The following ANK3 variants were observed in gnomAD, a reference collection of about 807,000 sequenced individuals.
ANK3 encodes the protein ankyrin 3.
A neutral mutation model predicts 370.9 loss-of-function variants in ANK3; 57 were observed. That is an observed-to-expected ratio of 0.15 (90% CI 0.12 to 0.19). ANK3 has a LOEUF of 0.19. ANK3 is among the 10% of genes least tolerant of loss of function. The probability of loss-of-function intolerance (pLI) is 1.00; values close to 1 mark genes in which losing one functional copy is unlikely to be tolerated. For missense variants in ANK3, 4,439 were observed against 5,302.1 expected (o/e 0.84, Z 5.06); for synonymous variants, 1,929 against 1,946.3 (o/e 0.99, Z 0.23).
intron 26 of ANK3, among the ~76,000 whole-genome samples, chr10:60,110,483 A>G (rs923050321): frequency 1.3e-5 from 2 of 152,176 alleles, no homozygotes; most frequent in African/African-American, 2.4e-5. Context: ...CACTACGATA[A>G]TCAAGGTAAA....
At chr10:60,722,704 C>T (rs1228762278) in intron 1 of ANK3, among the ~76,000 whole-genome samples, 1 of 152,070 alleles carries the variant, frequency 6.6e-6, no homozygotes, top group Admixed American at 6.5e-5. Context: ...GGGGGCAGAT[C>T]CCTCATGAAG....
chr10:60,551,321 A>G (rs2077083692), intron 2 of ANK3, among the ~76,000 whole-genome samples: 1 of 152,166 alleles, frequency 6.6e-6, no homozygotes, highest in African/African-American at 2.4e-5. Flanking sequence ...TATTGATGAA[A>G]CATTTACAGA....
rs1417090144 is a variant in ANK3, at chr10:60,340,397, G to A, written c.114+49028C>T. Among the ~76,000 whole-genome samples the A allele has an allele frequency of 2.0e-5, 3 of 152,064 alleles. No individual in the cohort carries two copies. In the East Asian group the frequency reaches 5.8e-4, roughly 30 times the overall value. On this transcript the variant is annotated intron_variant, in intron 1 of 43. Transcript: ENST00000280772. The stretch of plus-strand genomic sequence containing the variant: ...TACAAGTTGTATATATCCAGGGCCA[G>A]CTAATTTTTGTTTTTTTCTTTCTTT...
At chr10:60,503,312 A>G (rs2075853862) in intron 2 of ANK3, among the ~76,000 whole-genome samples, 1 of 152,230 alleles carries the variant, frequency 6.6e-6, no homozygotes, top group South Asian at 2.1e-4. Context: ...GGGAACAACC[A>G]TTAGTTACAA....
intron 2 of ANK3, among the ~76,000 whole-genome samples, chr10:60,600,204 ACTCATACAGTGT>A (rs2078041757): frequency 1.3e-5 from 2 of 152,312 alleles, no homozygotes; most frequent in African/African-American, 4.8e-5. Context: ...AGGATTCTGT[ACTCATACAGTGT>A]CTTGGACAAT....
chr10:60,234,890 T>C (rs1021438440), intron 7 of ANK3, 104 bp from the exon 8 acceptor site: 14 of 707,840 alleles, frequency 2.0e-5, no homozygotes, highest in Non-Finnish European at 3.5e-5. Context: ...TCTCCTTTTC[T>C]AAACATCCTT....
intron 23 of ANK3, among the ~76,000 whole-genome samples, chr10:60,161,172 G>A (rs2095490718): frequency 6.6e-6 from 1 of 152,036 alleles, no homozygotes; most frequent in Non-Finnish European, 1.5e-5. Context: ...TATCAGAACT[G>A]ATAAACAAAT....
At chr10:60,032,209 T>TTTTTTTTTTTG (rs2073810462) in intron 43 of ANK3, among the ~76,000 whole-genome samples, 1 of 128,970 alleles carries the variant, frequency 7.8e-6, no homozygotes, top group Non-Finnish European at 1.7e-5. Context: ...TTTTTTTTTT[T>TTTTTTTTTTTG]TTTTTTTTTT....
At chr10:60,314,269 G>A (rs1315737964) in intron 1 of ANK3, among the ~76,000 whole-genome samples, 1 of 152,112 alleles carries the variant, frequency 6.6e-6, no homozygotes, top group Non-Finnish European at 1.5e-5. Context: ...ATATATTCCA[G>A]GCACTGCACT....
intron 2 of ANK3, among the ~76,000 whole-genome samples, chr10:60,497,507 T>C (rs955992306): frequency 1.3e-5 from 2 of 152,170 alleles, no homozygotes; most frequent in African/African-American, 4.8e-5. Flanking sequence ...AGATAAGCCA[T>C]AAAAATGCAC....
chr10:60,355,187 AT>A (rs1185021722), intron 1 of ANK3, among the ~76,000 whole-genome samples: 2 of 152,180 alleles, frequency 1.3e-5, no homozygotes, highest in African/African-American at 4.8e-5. Context: ...TGTATTGCTA[AT>A]TTTTTCTTTC....
chr10:60,694,292 C>T (rs1049280847), intron 1 of ANK3, among the ~76,000 whole-genome samples: 14 of 152,196 alleles, frequency 9.2e-5, no homozygotes, highest in Middle Eastern at 3.4e-3. Context: ...CTGAAAGTGA[C>T]GGGGAGAATG....
rs746128899 is a variant in ANK3, at chr10:60,076,288, C to T, written c.4593G>A (p.Thr1531=). The T allele has an allele frequency of 3.8e-5, 62 of 1,613,844 alleles. No homozygotes were observed. Among genetic ancestry groups the T allele is most frequent in the Non-Finnish European group, 4.9e-5 (58 of 1,179,964 alleles). ...TTGATTTTAACGGAGAAGCTGATGG[C>T]GTATTAGAGGAAGAACTTGATAAGG... is the stretch of plus-strand genomic sequence containing the variant. ...FTSLSSSSSN[T]PSASPLKSIW... Residue 1531 remains threonine (T), a synonymous_variant, in exon 37 of 44, where the codon ACG becomes ACA. Coordinates refer to ENST00000280772, the MANE Select transcript of ANK3 (RefSeq NM_020987.5).
intron 1 of ANK3, among the ~76,000 whole-genome samples, chr10:60,647,581 T>G (rs2078725300): frequency 6.6e-6 from 1 of 150,832 alleles, no homozygotes. Flanking sequence ...AATAAAATTT[T>G]AAATTCATAG....
At chr10:60,390,550 A>C (rs1362697472), upstream of ANK3, among the ~76,000 whole-genome samples, 2 of 152,168 alleles carry the variant, frequency 1.3e-5, no homozygotes, top group Non-Finnish European at 2.9e-5. Flanking sequence ...GAAGTGAAGC[A>C]GCAGCAGTGC....
intron 1 of ANK3, among the ~76,000 whole-genome samples, chr10:60,681,089 C>G (rs1234310555): frequency 6.6e-6 from 1 of 152,190 alleles, no homozygotes. Context: ...CTCTCCTCTA[C>G]TTTCCAAGTC....
intron 1 of ANK3, among the ~76,000 whole-genome samples, chr10:60,284,779 T>A (rs1334352821): frequency 1.3e-5 from 2 of 151,928 alleles, no homozygotes; most frequent in African/African-American, 4.8e-5. Flanking sequence ...TCTGCTCCTT[T>A]GCTTCTAAAC....
Position 60,264,039 on chromosome 10 carries a change from G to T in ANK3, c.514-19C>A, listed in dbSNP as rs2097845363. The T allele has an allele frequency of 3.1e-6, 5 of 1,597,456 alleles. No individual in the cohort carries two copies. The highest frequency in any genetic ancestry group is 4.3e-6 in the Non-Finnish European group (5 of 1,166,872). ...AGCCATCCTGCAAATAAATGGATGGGTCAAGATGGGCTCCAATGAATATTT... is the reference window on the plus strand; with the variant it reads ...AGCCATCCTGCAAATAAATGGATGGTTCAAGATGGGCTCCAATGAATATTT... On this transcript the variant is annotated intron_variant, in intron 5 of 43. Coordinates refer to ENST00000280772, the MANE Select transcript of ANK3 (RefSeq NM_020987.5).
intron 23 of ANK3, among the ~76,000 whole-genome samples, chr10:60,159,334 A>T (rs1225385299): frequency 6.6e-6 from 1 of 152,226 alleles, no homozygotes; most frequent in East Asian, 1.9e-4. Flanking sequence ...AAAGAAGGTC[A>T]TTATATAATG....
Sources: gnomAD v4.1 joint callset for allele counts (sites outside exome capture counted in the v4.1 genomes callset) on GRCh38, gnomAD v4.1.1 for gene constraint, MANE v1.5 for transcripts, NCBI Gene and HGNC (gene_info 2026-07-23, HGNC 2026-07-21) for gene names.